The following EDRF1 variants were observed in gnomAD, a reference collection of about 807,000 sequenced individuals.
The protein encoded by EDRF1 is erythroid differentiation regulatory factor 1, also known as erythroid differentiation-related factor 1.
In EDRF1, 69 loss-of-function variants were observed where a neutral mutation model predicts 148.7. That is an observed-to-expected ratio of 0.46 (90% CI 0.38 to 0.57). EDRF1 has a LOEUF of 0.57. Ranked by LOEUF, EDRF1 falls within the 20% of genes least tolerant of loss-of-function variation. The pLI, the probability that EDRF1 is intolerant of heterozygous loss-of-function variation, is 0.00. For missense variants in EDRF1, 1,118 were observed against 1,478.7 expected, an observed-to-expected ratio of 0.76 and a Z score of 4.00; for synonymous variants, 515 against 532.8, an observed-to-expected ratio of 0.97 and a Z score of 0.46.
intron 13 of EDRF1, among the ~76,000 whole-genome samples, chr10:125,736,466 T>C (rs1044091896): frequency 2.0e-5 from 3 of 152,172 alleles, no homozygotes; most frequent in Non-Finnish European, 4.4e-5. Context: ...AGGCAGTATA[T>C]ACCTTTCAAC....
chr10:125,762,548 T>C lies in EDRF1; in HGVS notation c.3546-753T>C, dbSNP rs919402340. On this transcript the variant is annotated intron_variant, in intron 24 of 24. Coordinates refer to ENST00000356792, the MANE Select transcript of EDRF1 (RefSeq NM_001202438.2). ...CCACGTAATTACTAGTCTTTTCCAGTAGTAACAAAAATAGAATTCACCGAT... is the reference window on the plus strand; with the variant it reads ...CCACGTAATTACTAGTCTTTTCCAGCAGTAACAAAAATAGAATTCACCGAT... Among the ~76,000 whole-genome samples the C allele has an allele frequency of 2.6e-5, 4 of 151,328 alleles. No homozygotes were observed. The South Asian group carries it at 8.3e-4, about 31-fold the overall frequency.
chr10:125,725,619 G>A (rs563862501), intron 5 of EDRF1, 63 bp from the exon 6 acceptor site: 1 of 1,603,034 alleles, frequency 6.2e-7, no homozygotes, highest in Admixed American at 1.7e-5. Context: ...TTATAAACGG[G>A]TAGACTGTTG....
At chr10:125,723,564 T>C (rs942487955) in intron 3 of EDRF1, among the ~76,000 whole-genome samples, 1 of 152,164 alleles carries the variant, frequency 6.6e-6, no homozygotes, top group African/African-American at 2.4e-5. Context: ...CTTTAAGAAA[T>C]CCTATCATGT....
At chr10:125,747,476 A>G (rs1032548573) in intron 19 of EDRF1, 60 bp from the exon 20 acceptor site, 3 of 1,558,782 alleles carry the variant, frequency 1.9e-6, no homozygotes, top group Admixed American at 3.3e-5. Context: ...TTTTATTTTA[A>G]TGCAGTATTG....
chr10:125,725,179 C>A, intron 4 of EDRF1, 139 bp from the exon 5 acceptor site: 1 of 1,053,034 alleles, frequency 9.5e-7, no homozygotes, highest in Non-Finnish European at 1.4e-6. Context: ...TGAATTGACC[C>A]AGAAAGATAT....
chr10:125,747,930 C>T lies in EDRF1; in HGVS notation c.3041C>T (p.Ala1014Val), dbSNP rs762524438. ...LKYCDVDSVS[A>V]RQPLCQYRAA... is the part of the protein sequence containing the mutation. ...TACTGCGATGTGGATTCAGTGTCTG[C>T]TCGACAGCCCCTTTGTCAGTATCGA... is the stretch of plus-strand genomic sequence containing the variant. Residue 1014 changes from alanine to valine, a missense_variant, in exon 21 of 25, where the codon GCT (alanine) becomes GTT (valine). Around this residue, in one of 3 missense-constraint regions of EDRF1, gnomAD observed 954 missense variants for 1,241.4 expected, o/e 0.77. Coordinates refer to ENST00000356792, the MANE Select transcript of EDRF1 (RefSeq NM_001202438.2). 2 of 1,614,184 alleles carry T rather than the reference C, an allele frequency of 1.2e-6. No individual in the cohort carries two copies. The highest frequency in any genetic ancestry group is 2.2e-5 in the South Asian group (2 of 91,088).
At chr10:125,761,394 C>T (rs1850188488) in intron 24 of EDRF1, 1 of 203,002 alleles carries the variant, frequency 4.9e-6, no homozygotes, top group Non-Finnish European at 1.0e-5. Context: ...AGATCCAGGC[C>T]TCTTAACATT....
At chr10:125,759,760 G>T (rs986903787) in intron 24 of EDRF1, among the ~76,000 whole-genome samples, 4 of 151,808 alleles carry the variant, frequency 2.6e-5, no homozygotes, top group Admixed American at 2.6e-4. Context: ...GCCCACGCTG[G>T]AGTGCAGTGG....
At chr10:125,728,722 G>A (rs1388855742) in intron 6 of EDRF1, among the ~76,000 whole-genome samples, 1 of 152,072 alleles carries the variant, frequency 6.6e-6, no homozygotes, top group Non-Finnish European at 1.5e-5. Context: ...GTAATCAGAT[G>A]CACCAAAAAA....
chr10:125,749,856 A>G (rs6597726), intron 22 of EDRF1: 6 of 387,474 alleles, frequency 1.5e-5, no homozygotes, highest in African/African-American at 8.3e-5. Context: ...AAAGAATTCA[A>G]TCGGCCAGGC....
chr10:125,755,727 C>T (rs993152479), intron 24 of EDRF1, among the ~76,000 whole-genome samples: 5 of 152,196 alleles, frequency 3.3e-5, no homozygotes, highest in Non-Finnish European at 7.4e-5. Context: ...GGTCCATCAT[C>T]TAAATTGTCA....
intron 14 of EDRF1, 144 bp from the exon 15 acceptor site, chr10:125,738,151 T>G: frequency 7.2e-7 from 1 of 1,386,424 alleles, no homozygotes; most frequent in South Asian, 1.2e-5. Flanking sequence ...TCCCAAATCT[T>G]TCAGATCAAA....
Position 125,743,078 on chromosome 10 carries a change from T to A in EDRF1, c.2392T>A (p.Leu798Met), listed in dbSNP as rs772743982. The A allele has an allele frequency of 1.4e-5, 22 of 1,613,700 alleles. No individual in the cohort carries two copies. The Admixed American group carries it at 1.8e-4, about 13-fold the overall frequency. The change falls in exon 18 of 25, where the codon TTG (leucine) becomes ATG (methionine). Residue 798 changes from leucine to methionine, a missense_variant. Physicochemically the swap from Leu to Met is conservative, Grantham distance 15. Around this residue, in one of 3 missense-constraint regions of EDRF1, gnomAD observed 954 missense variants for 1,241.4 expected, o/e 0.77. Coordinates refer to ENST00000356792, the MANE Select transcript of EDRF1 (RefSeq NM_001202438.2). ...SCQGFAWATD[L>M]STDLESQLSV... is the part of the protein sequence containing the mutation. ...TTCAGGATTTGCATGGGCAACTGAT[T>A]TGTCTACAGACTTAGAAAGTCAACT...
chr10:125,743,341 G>A, intron 18 of EDRF1, 65 bp downstream of exon 18: 1 of 1,391,660 alleles, frequency 7.2e-7, no homozygotes, highest in South Asian at 1.2e-5. Flanking sequence ...AATTTTGTAT[G>A]AGTCAAGCAA....
chr10:125,727,098 G>A (rs1328806052), intron 6 of EDRF1, among the ~76,000 whole-genome samples: 1 of 152,122 alleles, frequency 6.6e-6, no homozygotes, highest in African/African-American at 2.4e-5. Flanking sequence ...CTCATCAAAA[G>A]ATGTTTCACA....
intron 23 of EDRF1, 70 bp downstream of exon 23, chr10:125,752,984 C>CGTGT (rs1849714969): frequency 1.8e-6 from 2 of 1,094,258 alleles, no homozygotes; most frequent in Non-Finnish European, 2.8e-6. Context: ...ATATAGTGGA[C>CGTGT]GTGTGTGTGT....
chr10:125,762,819 G>T (rs551103320), intron 24 of EDRF1, among the ~76,000 whole-genome samples: 4 of 152,188 alleles, frequency 2.6e-5, no homozygotes, highest in Admixed American at 2.6e-4. Flanking sequence ...ACAGGAAGGC[G>T]CTTAGGCCGA....
In EDRF1 at chr10:125,729,029, C is replaced by T. The variant is rs544160519; in HGVS notation, c.819C>T (p.Tyr273=). The T allele has an allele frequency of 8.8e-6, 14 of 1,582,928 alleles. No homozygotes were observed. The African/African-American group carries it at 1.6e-4, about 18-fold the overall frequency. ...GAAGTGAGCCTCTTGAACCCTCATACATAGTGGGGCATGTGGCCTCAGCCC... is the reference window on the plus strand; with the variant it reads ...GAAGTGAGCCTCTTGAACCCTCATATATAGTGGGGCATGTGGCCTCAGCCC... ...SQGSEPLEPS[Y]IVGHVASAPK... is the part of the protein sequence containing the mutation. Residue 273 remains tyrosine (Y), a synonymous_variant, in exon 7 of 25, where the codon TAC becomes TAT. Transcript: ENST00000356792.
chr10:125,721,849 G>T (rs944164197), intron 2 of EDRF1, among the ~76,000 whole-genome samples: 1 of 152,086 alleles, frequency 6.6e-6, no homozygotes, highest in Admixed American at 6.5e-5. Flanking sequence ...CAGCATGTTG[G>T]GTGACCTACA....
Sources: gnomAD v4.1 joint callset for allele counts (sites outside exome capture counted in the v4.1 genomes callset) on GRCh38, gnomAD v4.1.1 for gene constraint, gnomAD v4.1.1 regional missense constraint, MANE v1.5 for transcripts, NCBI Gene and HGNC (gene_info 2026-07-23, HGNC 2026-07-21) for gene names.